The following SCRIB variants were observed in gnomAD, a reference collection of about 807,000 sequenced individuals.
SCRIB encodes the protein scribble planar cell polarity protein.
In SCRIB, 72 loss-of-function variants were observed where a neutral mutation model predicts 170.0. That is an observed-to-expected ratio of 0.42 (90% confidence interval 0.35 to 0.52). The LOEUF (loss-of-function observed/expected upper bound fraction) is 0.52. Ranked by LOEUF, SCRIB falls within the 20% of genes least tolerant of loss-of-function variation. The pLI is 0.02. For missense variants in SCRIB, 2,475 were observed against 2,338.5 expected, an observed-to-expected ratio of 1.06 and a Z score of -1.20; for synonymous variants, 1,298 against 1,044.3, an observed-to-expected ratio of 1.24 and a Z score of -4.68.
chr8:143,799,948 G>A (rs1815106225), intron 24 of SCRIB, among the ~76,000 whole-genome samples: 1 of 152,104 alleles, frequency 6.6e-6, no homozygotes, highest in Non-Finnish European at 1.5e-5. Flanking sequence ...GCAAACCGAT[G>A]CCCACAGGGC....
At chr8:143,813,185 C>T in intron 6 of SCRIB, 81 bp from the exon 7 acceptor site, 3 of 1,585,344 alleles carry the variant, frequency 1.9e-6, no homozygotes, top group African/African-American at 1.3e-5. Flanking sequence ...TACGCCCCCA[C>T]ACCCAGCTCC....
chr8:143,793,936 C>A lies in SCRIB; in HGVS notation c.3873G>T (p.Lys1291Asn). 6.2e-7 allele frequency: 1 copy of A among 1,613,564 alleles called. No homozygotes were observed. The highest frequency in any genetic ancestry group is 8.5e-7 in the Non-Finnish European group (1 of 1,179,740). The change falls in exon 28 of 37, where the codon AAG becomes AAT. Residue 1291 changes from lysine to asparagine, a missense_variant. Physicochemically the swap from Lys to Asn is moderately conservative, Grantham distance 94. Transcript: ENST00000356994. ...TAGGGGAGCAGGGAGATTCAGCCAT[C>A]TTCCCTCCAGCTGCTCCAGACGGTA... ...QRVPSGAAGGKMAESPCSPSG... is the reference protein window; with the variant it reads ...QRVPSGAAGGNMAESPCSPSG...
Position 143,811,283 on chromosome 8 carries a change from G to A in SCRIB, c.969C>T (p.His323=). The change falls in exon 10 of 37, where the codon CAC becomes CAT. Residue 323 remains histidine, a synonymous_variant. Transcript: ENST00000356994. ...CGATCTCGGGCGGCAGCGCCTCGAG[G>A]TGGTTCCGGTCCACGTTGAGGTTGG... ...KLTNLNVDRN[H]LEALPPEIGG... is the part of the protein sequence containing the mutation. 1 of 1,612,696 alleles carries A rather than the reference G, an allele frequency of 6.2e-7. No individual in the cohort carries two copies. The highest frequency in any genetic ancestry group is 8.5e-7 in the Non-Finnish European group (1 of 1,179,844).
At chr8:143,807,665 C>A (rs376376128) in intron 15 of SCRIB, 51 bp from the exon 16 acceptor site, 2 of 1,382,292 alleles carry the variant, frequency 1.4e-6, no homozygotes. Context: ...GCCAAGACCA[C>A]CACCACCGCC....
chr8:143,802,978 C>T (rs1815235715), intron 24 of SCRIB, among the ~76,000 whole-genome samples: 1 of 152,340 alleles, frequency 6.6e-6, no homozygotes, highest in East Asian at 1.9e-4. Context: ...AGCGGGGACC[C>T]TCAGCATCCC....
rs1053615216 is a variant in SCRIB, at chr8:143,813,689, G to A, written c.394C>T (p.His132Tyr). 7 of 1,613,632 alleles carry A rather than the reference G, an allele frequency of 4.3e-6. No individual in the cohort carries two copies. Among genetic ancestry groups the A allele is most frequent in the Non-Finnish European group, 5.1e-6 (6 of 1,180,026 alleles). ...AGAGACACATCATTCAGGGCCAGGT[G>A]AGCCAGGCTGCGCAGCTGAGTGAAG... is the stretch of plus-strand genomic sequence containing the variant. ...DGFTQLRSLA[H>Y]LALNDVSLQA... The change falls in exon 4 of 37, where the codon CAC becomes TAC. Residue 132 changes from histidine to tyrosine, a missense_variant. By Grantham distance (83) the His-to-Tyr change is moderately conservative (BLOSUM62 2). Coordinates refer to ENST00000356994, the MANE Select transcript of SCRIB (RefSeq NM_182706.5).
Position 143,795,536 on chromosome 8 carries a change from AAG to A in SCRIB, c.3604-8_3604-7del, listed in dbSNP as rs1474020461. ...GCAATGACACCTGGGGACACCTGAG[AAG>A]AGGGGTGTGGGCTAAGAAGGGGGGA... is the stretch of plus-strand genomic sequence containing the variant. On this transcript the variant is annotated splice_region_variant and splice_polypyrimidine_tract_variant and intron_variant, in intron 24 of 36. Transcript: ENST00000356994. 15 of 1,608,016 alleles carry A rather than the reference AAG, an allele frequency of 9.3e-6. No homozygotes were observed. Among genetic ancestry groups the A allele is most frequent in the Non-Finnish European group, 1.3e-5 (15 of 1,177,010 alleles).
In SCRIB at chr8:143,812,913, G is replaced by A. The variant is rs375061458; in HGVS notation, c.691C>T (p.Arg231Trp). The A allele has an allele frequency of 7.4e-6, 12 of 1,612,178 alleles. No homozygotes were observed. The highest frequency in any genetic ancestry group is 6.7e-5 in the East Asian group (3 of 44,884). Residue 231 changes from arginine to tryptophan, a missense_variant, in exon 8 of 37, where the codon CGG becomes TGG. Arg to Trp is a moderately radical substitution (Grantham distance 101). Coordinates refer to ENST00000356994, the MANE Select transcript of SCRIB (RefSeq NM_182706.5). ...AGCTCAGCAGGCAGCTCCTCCAGCC[G>A]GTTTTCCGACACGTCCAGGCACACC... ...RLVCLDVSEN[R>W]LEELPAELGG... is the part of the protein sequence containing the mutation.
chr8:143,814,358 C>T (rs920842156), intron 1 of SCRIB, among the ~76,000 whole-genome samples: 4 of 151,956 alleles, frequency 2.6e-5, no homozygotes, highest in Non-Finnish European at 5.9e-5. Flanking sequence ...TCTGAGAAGA[C>T]ACCTGCTGGC....
rs375603798 is a variant in SCRIB, at chr8:143,810,961, G to C, written c.1218C>G (p.Thr406=). The change falls in exon 11 of 37, where the codon ACC becomes ACG. Residue 406 remains threonine, a synonymous_variant. Coordinates refer to ENST00000356994, the MANE Select transcript of SCRIB (RefSeq NM_182706.5). ...AGTAGCAGGTGAGCACCTTCTCGCC[G>C]GTCCGGGCATCATCCTCCGTCTGGA... ...LRFQTEDDAR[T]GEKVLTCYLL... The C allele has an allele frequency of 6.2e-7, 1 of 1,611,758 alleles. No individual in the cohort carries two copies.
Position 143,810,499 on chromosome 8 carries a change from A to G in SCRIB, c.1510T>C (p.Ser504Pro), listed in dbSNP as rs761589137. The change falls in exon 13 of 37, where the codon TCG becomes CCG. Residue 504 changes from serine (S) to proline (P), a missense_variant. By Grantham distance (74) the Ser-to-Pro change is moderately conservative. This residue lies in a region of SCRIB where 1,966 missense variants were observed against 1,742.9 expected (regional missense o/e 1.13). Coordinates refer to ENST00000356994, the MANE Select transcript of SCRIB (RefSeq NM_182706.5). The part of the protein sequence containing the change: ...EACPCQPDSG[S>P]PLPAEEEKRL... ...CCCACCTCCTCTGCAGGCAAGGGCGACCCAGAGTCTGGCTGGCAAGGGCAG... is the reference window on the plus strand; with the variant it reads ...CCCACCTCCTCTGCAGGCAAGGGCGGCCCAGAGTCTGGCTGGCAAGGGCAG... 1.2e-6 allele frequency: 2 copies of G among 1,610,530 alleles called. No homozygotes were observed. Among genetic ancestry groups the G allele is most frequent in the African/African-American group, 2.7e-5 (2 of 74,862 alleles).
Position 143,811,003 on chromosome 8 carries a change from C to T in SCRIB, c.1176G>A (p.Ala392=), listed in dbSNP as rs780187770. The change falls in exon 11 of 37, where the codon GCG becomes GCA. Residue 392 remains alanine, a synonymous_variant. Coordinates refer to ENST00000356994, the MANE Select transcript of SCRIB (RefSeq NM_182706.5). ...CCGTCTGGAACCGGAGCATGGGCTG[C>T]GCCTGGTTCTCTGCCAGCCACAGGG... is the stretch of plus-strand genomic sequence containing the variant. ...LKALWLAENQ[A]QPMLRFQTED... The T allele has an allele frequency of 1.2e-5, 20 of 1,611,174 alleles. No individual in the cohort carries two copies. Among genetic ancestry groups the T allele is most frequent in the Middle Eastern group, 1.6e-4 (1 of 6,078 alleles).
In SCRIB at chr8:143,792,202, C is replaced by A. The variant is rs782496828; in HGVS notation, c.4514+18G>T. The A allele has an allele frequency of 5.2e-6, 8 of 1,551,872 alleles. No homozygotes were observed. The highest frequency in any genetic ancestry group is 6.9e-6 in the Non-Finnish European group (8 of 1,154,778). On this transcript the variant is annotated intron_variant, in intron 32 of 36. Transcript: ENST00000356994. ...GACAGGCAGCAGGGCGGGGTGGCGA[C>A]CCCACACAGGGGCTCACCTGGCTGC...
At position 143,791,692 on chromosome 8, in the gene SCRIB, A is replaced by G. The variant is rs1820090537; in HGVS notation, c.4744T>C (p.Ser1582Pro). Residue 1582 changes from serine to proline, a missense_variant, in exon 35 of 37, where the codon TCT (serine) becomes CCT (proline). Around this residue, in one of 3 missense-constraint regions of SCRIB, gnomAD observed 1,966 missense variants for 1,742.9 expected, o/e 1.13. Coordinates refer to ENST00000356994, the MANE Select transcript of SCRIB (RefSeq NM_182706.5). ...TGGATGTCATAGACAGGTCTGGAAG[A>G]AGGCAGGGCCGCAAAGGCCCTGTAG... ...FDYRAFAALP[S>P]SRPVYDIQSP... 2 of 1,604,726 alleles carry G rather than the reference A, an allele frequency of 1.2e-6. No homozygotes were observed. The highest frequency in any genetic ancestry group is 1.7e-6 in the Non-Finnish European group (2 of 1,173,228).
At position 143,792,707 on chromosome 8, in the gene SCRIB, C is replaced by G. The variant is rs782200587; in HGVS notation, c.4177+1G>C. ...CCCCACCCCACTTCCGTGCCCCTCA[C>G]CTTCCTCCTCCTGCATCTTCCGCAG... On this transcript the variant is annotated splice_donor_variant, in intron 30 of 36. Transcript: ENST00000356994. LOFTEE classifies it high-confidence loss of function. 6.3e-7 allele frequency: 1 copy of G among 1,586,938 alleles called. No individual in the cohort carries two copies. Among genetic ancestry groups the G allele is most frequent in the Non-Finnish European group, 8.5e-7 (1 of 1,172,648 alleles).
At chr8:143,813,433 C>T in intron 5 of SCRIB, 37 bp downstream of exon 5, 1 of 1,613,204 alleles carries the variant, frequency 6.2e-7, no homozygotes, top group Non-Finnish European at 8.5e-7. Flanking sequence ...GGCTGTGGCC[C>T]TGCCCTGGCT....
At chr8:143,812,768 C>T (rs1815801590) in intron 8 of SCRIB, 49 bp downstream of exon 8, 1 of 1,583,084 alleles carries the variant, frequency 6.3e-7, no homozygotes, top group African/African-American at 1.3e-5. Flanking sequence ...ACGCTCCTCC[C>T]AGGGCCAGGC....
At chr8:143,793,465 G>C (rs1312125589) in intron 28 of SCRIB, 1 of 297,200 alleles carries the variant, frequency 3.4e-6, no homozygotes, top group African/African-American at 2.2e-5. Flanking sequence ...CCTGGGTGGG[G>C]CTGACATCTT....
In SCRIB at chr8:143,810,810, G is replaced by C; in HGVS notation, c.1280C>G (p.Ala427Gly). ...PQQPPPSLED[A>G]GQQGSLSETW... ...CTCCGAGAGGCTCCCCTGCTGCCCAGCATCCTCTGCAGCAGGTGAGCGTCA... is the reference window on the plus strand; with the variant it reads ...CTCCGAGAGGCTCCCCTGCTGCCCACCATCCTCTGCAGCAGGTGAGCGTCA... Residue 427 changes from alanine to glycine, a missense_variant, in exon 12 of 37, where the codon GCT (alanine) becomes GGT (glycine). Coordinates refer to ENST00000356994, the MANE Select transcript of SCRIB (RefSeq NM_182706.5). 6.2e-7 allele frequency: 1 copy of C among 1,601,506 alleles called. No individual in the cohort carries two copies. The highest frequency in any genetic ancestry group is 8.5e-7 in the Non-Finnish European group (1 of 1,176,736).
Sources: gnomAD v4.1 joint callset for allele counts (sites outside exome capture counted in the v4.1 genomes callset) on GRCh38, gnomAD v4.1.1 for gene constraint, gnomAD v4.1.1 regional missense constraint, MANE v1.5 for transcripts, NCBI Gene and HGNC (gene_info 2026-07-23, HGNC 2026-07-21) for gene names.